ADGRL3: variants seen among roughly 807,000 people sequenced by gnomAD.
ADGRL3 encodes the protein calcium-independent alpha-latrotoxin receptor 3.
ADGRL3 carries 62 observed loss-of-function variants against 153.5 expected under a neutral mutation model. That is an observed-to-expected ratio of 0.40 (90% CI 0.33 to 0.50). The LOEUF is 0.50. Ranked by LOEUF, ADGRL3 falls within the 20% of genes least tolerant of loss-of-function variation. ADGRL3 has a pLI of 0.47. For synonymous variants in ADGRL3, 710 were observed against 672.5 expected (o/e 1.06, Z -0.86); for missense variants, 1,641 against 1,859.4 (o/e 0.88, Z 2.16).
chr4:61,328,832 C>T (rs1361622933), intron 1 of ADGRL3, among the ~76,000 whole-genome samples: 2 of 152,100 alleles, frequency 1.3e-5, no homozygotes, highest in East Asian at 1.9e-4. Flanking sequence ...TACTCCTGCT[C>T]CTGCCTTGTT....
At chr4:62,010,206 G>A (rs1041737977) in intron 21 of ADGRL3, among the ~76,000 whole-genome samples, 1 of 152,092 alleles carries the variant, frequency 6.6e-6, no homozygotes, top group Non-Finnish European at 1.5e-5. Flanking sequence ...GTGCAGGAGG[G>A]GAGAGGAGGC....
chr4:61,535,822 A>G (rs1025194521), intron 4 of ADGRL3, among the ~76,000 whole-genome samples: 1 of 152,020 alleles, frequency 6.6e-6, no homozygotes, highest in Middle Eastern at 3.4e-3. Context: ...GCTGGCATCT[A>G]TCAATTTTGT....
chr4:61,508,690 G>T (rs2098445422), intron 3 of ADGRL3, among the ~76,000 whole-genome samples: 1 of 152,088 alleles, frequency 6.6e-6, no homozygotes, highest in Non-Finnish European at 1.5e-5. Flanking sequence ...CCAGGGTAAT[G>T]AGCATACTAC....
intron 17 of ADGRL3, among the ~76,000 whole-genome samples, chr4:61,963,196 T>G (rs1217541578): frequency 1.3e-5 from 2 of 152,078 alleles, no homozygotes; most frequent in Non-Finnish European, 2.9e-5. Flanking sequence ...CATGCTTTCT[T>G]TGAGTTTTTT....
chr4:61,596,387 C>A (rs557857033), intron 5 of ADGRL3, among the ~76,000 whole-genome samples: 3 of 152,170 alleles, frequency 2.0e-5, no homozygotes, highest in South Asian at 2.1e-4. Flanking sequence ...CACAGTCAAA[C>A]CTTTTGCTAA....
chr4:61,542,496 A>T (rs143166713), intron 4 of ADGRL3, among the ~76,000 whole-genome samples: 2,317 of 152,332 alleles, frequency 0.015, 55 homozygotes, highest in African/African-American at 0.052. Flanking sequence ...CCTGATAAAG[A>T]CAACCACTAT....
chr4:61,314,269 G>A (rs61473535), intron 1 of ADGRL3, among the ~76,000 whole-genome samples: 1,719 of 151,354 alleles, frequency 0.011, 30 homozygotes, highest in African/African-American at 0.039. Context: ...GAGTGCAATG[G>A]TGCGATCTTG....
intron 9 of ADGRL3, among the ~76,000 whole-genome samples, chr4:61,842,814 A>T (rs2098053394): frequency 6.6e-6 from 1 of 152,208 alleles, no homozygotes; most frequent in Non-Finnish European, 1.5e-5. Flanking sequence ...GTATAATTTC[A>T]TTGAAAAGAT....
chr4:61,846,365 A>G (rs971439362), intron 9 of ADGRL3, among the ~76,000 whole-genome samples: 38 of 152,100 alleles, frequency 2.5e-4, no homozygotes, highest in African/African-American at 9.2e-4. Flanking sequence ...AGTTACACAT[A>G]TTCATGTAGA....
chr4:61,660,588 A>T (rs1350732837), intron 5 of ADGRL3, among the ~76,000 whole-genome samples: 1 of 152,134 alleles, frequency 6.6e-6, no homozygotes, highest in Non-Finnish European at 1.5e-5. Context: ...CCCTAACTAA[A>T]TGGTTTCCTA....
chr4:61,556,518 A>T (rs58496049), intron 4 of ADGRL3, among the ~76,000 whole-genome samples: 6,859 of 152,172 alleles, frequency 0.045, 504 homozygotes, highest in African/African-American at 0.15. Flanking sequence ...AACATAGCAG[A>T]AACATGATTT....
At chr4:61,751,830 G>T (rs938555601) in intron 8 of ADGRL3, among the ~76,000 whole-genome samples, 2 of 151,998 alleles carry the variant, frequency 1.3e-5, no homozygotes, top group African/African-American at 4.8e-5. Context: ...GAGCAGGATT[G>T]ACAAAATGGT....
At chr4:61,290,779 A>G (rs1325505227) in intron 1 of ADGRL3, among the ~76,000 whole-genome samples, 1 of 151,988 alleles carries the variant, frequency 6.6e-6, no homozygotes, top group Non-Finnish European at 1.5e-5. Context: ...TTTAGTCTTC[A>G]TATGTTCTTT....
Position 62,007,356 on chromosome 4 carries a change from TTATATATATATA to T in ADGRL3, c.3395+9108_3395+9119del, listed in dbSNP as rs71666906. On this transcript the variant is annotated intron_variant, in intron 21 of 26. Coordinates refer to ENST00000683033, the MANE Select transcript of ADGRL3 (RefSeq NM_001387552.1). ...AGCTCAGGGCAAGAGGACAAAATGA[TTATATATATATA>T]TATATATATATATATACACACACAC... 4.5e-4 allele frequency among the ~76,000 whole-genome samples: 14 copies of T among 30,918 alleles called. 1 individual carries two copies. The highest frequency in any genetic ancestry group is 2.0e-3 in the South Asian group (2 of 1,010). The allele number at this position is 30,918 out of a possible 152,430, so 20.3% of individuals were successfully genotyped here.
intron 2 of ADGRL3, chr4:61,428,235 T>A (rs1396927012): frequency 6.6e-6 from 1 of 152,564 alleles, no homozygotes; most frequent in Non-Finnish European, 1.5e-5. Context: ...CCTCACAGTG[T>A]CAGTGATACA....
intron 9 of ADGRL3, among the ~76,000 whole-genome samples, chr4:61,882,558 A>T (rs566840642): frequency 4.9e-4 from 75 of 152,222 alleles, no homozygotes; most frequent in Middle Eastern, 6.8e-3. Flanking sequence ...CACACCACCC[A>T]GAGTAAACGC....
intron 1 of ADGRL3, among the ~76,000 whole-genome samples, chr4:61,355,768 G>C (rs1351104009): frequency 6.6e-6 from 1 of 152,012 alleles, no homozygotes; most frequent in Non-Finnish European, 1.5e-5. Context: ...GGGAGTTATA[G>C]ATCTAGCACA....
intron 9 of ADGRL3, among the ~76,000 whole-genome samples, chr4:61,837,958 A>G (rs879820959): frequency 2.6e-5 from 4 of 152,232 alleles, no homozygotes; most frequent in Admixed American, 2.0e-4. Flanking sequence ...GAAGAGTTCC[A>G]TTGTCATGAT....
rs1170701602 is a variant in ADGRL3, at chr4:62,070,969, G to C, written c.*61G>C. The C allele has an allele frequency of 7.5e-7, 1 of 1,336,970 alleles. No homozygotes were observed. The highest frequency in any genetic ancestry group is 1.5e-5 in the African/African-American group (1 of 67,550). The allele number at this position is 1,336,970 out of a possible 1,614,324, so 82.8% of individuals were successfully genotyped here. A position where few individuals can be genotyped will look rare whatever the true frequency, so the allele number is the denominator to read the frequency against. On this transcript the variant is annotated 3_prime_UTR_variant, in exon 27 of 27. Coordinates refer to ENST00000683033, the MANE Select transcript of ADGRL3 (RefSeq NM_001387552.1). ...AACACCTTGTTGACTGTTCTGAGTT[G>C]ATATAAGCAGTGGTAATAATGTGTG...
Sources: gnomAD v4.1 joint callset for allele counts (sites outside exome capture counted in the v4.1 genomes callset) on GRCh38, gnomAD v4.1.1 for gene constraint, MANE v1.5 for transcripts, NCBI Gene and HGNC (gene_info 2026-07-23, HGNC 2026-07-21) for gene names.